ALDH1A2: variants seen among roughly 807,000 people sequenced by gnomAD.
The protein encoded by ALDH1A2 is aldehyde dehydrogenase 1 family member A2.
A neutral mutation model predicts 60.3 loss-of-function variants in ALDH1A2; 27 were observed. The ratio of observed to expected loss-of-function variants is 0.45; its 90% CI spans 0.33 to 0.62. The LOEUF is 0.62. ALDH1A2 is among the 20% of genes least tolerant of loss of function. ALDH1A2 has a pLI of 0.02. For synonymous variants in ALDH1A2, 289 were observed against 232.4 expected (o/e 1.24, Z -2.21); for missense variants, 581 against 643.8 (o/e 0.90, Z 1.06).
At chr15:58,007,120 T>C (rs1348859923) in intron 4 of ALDH1A2, among the ~76,000 whole-genome samples, 1 of 151,894 alleles carries the variant, frequency 6.6e-6, no homozygotes, top group Non-Finnish European at 1.5e-5. Context: ...ATCAACAATA[T>C]ATATTAAACA....
At chr15:58,003,880 A>C (rs967572053) in intron 4 of ALDH1A2, among the ~76,000 whole-genome samples, 10 of 151,928 alleles carry the variant, frequency 6.6e-5, no homozygotes, top group Non-Finnish European at 1.5e-4. Flanking sequence ...CCATCGTAAA[A>C]GGGTCAAAGC....
Position 57,985,535 on chromosome 15 carries a change from T to C in ALDH1A2, c.798+7170A>G, listed in dbSNP as rs567342444. On this transcript the variant is annotated intron_variant, in intron 7 of 12. Coordinates refer to ENST00000249750, the MANE Select transcript of ALDH1A2 (RefSeq NM_003888.4). ...AAACCAAGTGGCTGGTCCATAATTA[T>C]ATAGCTATGAAGTAAAAAATAGTAA... Among the ~76,000 whole-genome samples the C allele has an allele frequency of 5.9e-5, 9 of 152,340 alleles. No homozygotes were observed. In the East Asian group the frequency reaches 1.5e-3, roughly 26 times the overall value.
intron 4 of ALDH1A2, among the ~76,000 whole-genome samples, chr15:57,999,080 C>T (rs1895167745): frequency 6.6e-6 from 1 of 152,014 alleles, no homozygotes; most frequent in Admixed American, 6.6e-5. Context: ...AAGTGCAAAA[C>T]CCAAAACTAT....
At chr15:58,065,412 T>A in intron 1 of ALDH1A2, 122 bp downstream of exon 1, 3 of 885,956 alleles carry the variant, frequency 3.4e-6, no homozygotes, top group Non-Finnish European at 5.7e-6. Context: ...TGCGCCGGGA[T>A]GACAGGCTGG....
intron 4 of ALDH1A2, among the ~76,000 whole-genome samples, chr15:58,002,684 A>G (rs182913052): frequency 5.7e-4 from 86 of 152,066 alleles, no homozygotes; most frequent in African/African-American, 1.9e-3. Context: ...CAAATTTTAT[A>G]TACCTAGTAA....
intron 4 of ALDH1A2, among the ~76,000 whole-genome samples, chr15:57,998,728 A>T (rs1245882968): frequency 3.8e-4 from 58 of 152,158 alleles, no homozygotes; most frequent in Non-Finnish European, 1.5e-5. Context: ...GAACCTAAAG[A>T]GCCCATATAG....
At chr15:57,961,487 C>T (rs570170092) in intron 10 of ALDH1A2, among the ~76,000 whole-genome samples, 193 bp from the exon 11 acceptor site, 1 of 152,248 alleles carries the variant, frequency 6.6e-6, no homozygotes, top group South Asian at 2.1e-4. Flanking sequence ...GTTTAACCTC[C>T]CCAACTTCCC....
At chr15:57,981,128 T>C (rs894351774) in intron 7 of ALDH1A2, among the ~76,000 whole-genome samples, 8 of 152,222 alleles carry the variant, frequency 5.3e-5, no homozygotes, top group African/African-American at 1.7e-4. Context: ...TTAGTCTGGC[T>C]AGTGGTCTAT....
chr15:58,033,956 G>A (rs1480853983), intron 1 of ALDH1A2, among the ~76,000 whole-genome samples: 2 of 150,010 alleles, frequency 1.3e-5, no homozygotes, highest in African/African-American at 4.9e-5. Context: ...CTTCAATATT[G>A]TGTTGGCTAT....
rs926222250 is a variant in ALDH1A2 at position 58,024,848 on chromosome 15, A to C, written c.118-10567T>G. ...AATCATATCAAGTATCTCCTCAGAC[A>C]ACAAAGGAATAAAACTAGAAATCAA... On this transcript the variant is annotated intron_variant, in intron 1 of 12. Coordinates refer to ENST00000249750, the MANE Select transcript of ALDH1A2 (RefSeq NM_003888.4). Among the ~76,000 whole-genome samples, 6 of 152,216 alleles carry C rather than the reference A, an allele frequency of 3.9e-5. No homozygotes were observed. In the South Asian group the frequency reaches 6.2e-4, roughly 16 times the overall value.
intron 1 of ALDH1A2, among the ~76,000 whole-genome samples, chr15:58,041,283 G>A (rs1896512965): frequency 6.6e-6 from 1 of 151,864 alleles, no homozygotes; most frequent in Non-Finnish European, 1.5e-5. Context: ...TCAATAATAT[G>A]TCCATATCTA....
chr15:57,964,117 CCTGT>C (rs1566929892), intron 8 of ALDH1A2, 48 bp from the exon 9 acceptor site: 6 of 1,607,500 alleles, frequency 3.7e-6, no homozygotes, highest in Admixed American at 3.3e-5. Flanking sequence ...TGGGGAGGGG[CCTGT>C]CTATGAAGCC....
intron 7 of ALDH1A2, among the ~76,000 whole-genome samples, chr15:57,977,529 T>C (rs920330718): frequency 3.3e-5 from 5 of 152,198 alleles, no homozygotes; most frequent in African/African-American, 1.2e-4. Context: ...TGTAGATGTA[T>C]GGTGTTATTT....
At chr15:57,990,883 A>AT (rs1894875040) in intron 7 of ALDH1A2, among the ~76,000 whole-genome samples, 1 of 151,638 alleles carries the variant, frequency 6.6e-6, no homozygotes, top group South Asian at 2.1e-4. Context: ...CTCAAAAAAA[A>AT]AAAAAAAAAA....
chr15:57,966,940 G>C (rs182469821), intron 7 of ALDH1A2, among the ~76,000 whole-genome samples: 2,691 of 152,340 alleles, frequency 0.018, 34 homozygotes, highest in Middle Eastern at 0.041. Context: ...ATGCAGAGCA[G>C]AGCCGCCATA....
chr15:57,986,716 A>C (rs1316831321), intron 7 of ALDH1A2, among the ~76,000 whole-genome samples: 1 of 152,124 alleles, frequency 6.6e-6, no homozygotes, highest in Non-Finnish European at 1.5e-5. Context: ...CCCGTCGCCC[A>C]GGCTGGAGTG....
intron 7 of ALDH1A2, among the ~76,000 whole-genome samples, chr15:57,967,446 T>C (rs945318021): frequency 6.6e-6 from 1 of 152,052 alleles, no homozygotes; most frequent in Non-Finnish European, 1.5e-5. Context: ...ATGGGGGTGA[T>C]GTAAAGGAGA....
intron 1 of ALDH1A2, among the ~76,000 whole-genome samples, chr15:58,060,168 G>A (rs554649775): frequency 4.1e-4 from 63 of 152,224 alleles, no homozygotes; most frequent in Non-Finnish European, 7.1e-4. Flanking sequence ...TGATCCACCC[G>A]CCTCAGCCTC....
chr15:57,991,318 T>C (rs1385643299), intron 7 of ALDH1A2: 1 of 152,214 alleles, frequency 6.6e-6, no homozygotes, highest in African/African-American at 2.4e-5. Flanking sequence ...TTTAAATATT[T>C]CATTAAACTG....
Sources: gnomAD v4.1 joint callset for allele counts (sites outside exome capture counted in the v4.1 genomes callset) on GRCh38, gnomAD v4.1.1 for gene constraint, MANE v1.5 for transcripts, NCBI Gene and HGNC (gene_info 2026-07-23, HGNC 2026-07-21) for gene names.